The following KCNAB1 variants were observed in gnomAD, a reference collection of about 807,000 sequenced individuals.
KCNAB1 encodes the protein voltage-gated potassium channel subunit beta-1.
In KCNAB1, 35 loss-of-function variants were observed where a neutral mutation model predicts 64.6. That is an observed-to-expected ratio of 0.54 (90% confidence interval 0.41 to 0.72). The LOEUF is 0.72. Ranked by LOEUF, KCNAB1 falls within the 30% of genes least tolerant of loss-of-function variation. The pLI is 0.00. For missense variants in KCNAB1, 401 were observed against 512.9 expected, an observed-to-expected ratio of 0.78 and a Z score of 2.11; for synonymous variants, 177 against 183.8, an observed-to-expected ratio of 0.96 and a Z score of 0.30.
chr3:156,418,258 TATC>T (rs1715225615), intron 1 of KCNAB1, among the ~76,000 whole-genome samples: 1 of 152,226 alleles, frequency 6.6e-6, no homozygotes, highest in African/African-American at 2.4e-5. Context: ...AATAGAATAA[TATC>T]ATATAAAGTT....
intron 1 of KCNAB1, among the ~76,000 whole-genome samples, chr3:156,256,939 G>A (rs1718132897): frequency 6.6e-6 from 1 of 152,140 alleles, no homozygotes; most frequent in Admixed American, 6.5e-5. Context: ...TGGTGGCCCC[G>A]GCCACAGAGC....
rs144685207 is a variant in KCNAB1 at position 156,436,275 on chromosome 3, C to T, written c.319+14616C>T. ...TCCTTTTTATGGCTGCATAGTATTCCATGGTATATATATACCAGATTTTCT... is the reference window on the plus strand; with the variant it reads ...TCCTTTTTATGGCTGCATAGTATTCTATGGTATATATATACCAGATTTTCT... On this transcript the variant is annotated intron_variant, in intron 2 of 13. Transcript: ENST00000490337. Among the ~76,000 whole-genome samples, 748 of 152,272 alleles carry T rather than the reference C, an allele frequency of 4.9e-3. 6 individuals are homozygous for T. Among genetic ancestry groups the T allele is most frequent in the African/African-American group, 0.016 (682 of 41,550 alleles).
At chr3:156,304,749 G>A (rs563706298) in intron 1 of KCNAB1, among the ~76,000 whole-genome samples, 42 of 152,294 alleles carry the variant, frequency 2.8e-4, no homozygotes, top group African/African-American at 8.9e-4. Context: ...GCTAACGGAA[G>A]GTTCAGCAGC....
intron 1 of KCNAB1, among the ~76,000 whole-genome samples, chr3:156,147,876 G>A (rs1327651985): frequency 2.0e-5 from 3 of 151,600 alleles, no homozygotes; most frequent in Admixed American, 6.6e-5. Flanking sequence ...TCTCATTCCA[G>A]TGCTTTCTTC....
chr3:156,471,910 G>T (rs1713929779), intron 7 of KCNAB1, among the ~76,000 whole-genome samples: 1 of 152,198 alleles, frequency 6.6e-6, no homozygotes, highest in Admixed American at 6.5e-5. Flanking sequence ...GCACCATTTT[G>T]TCCTTGGACA....
chr3:156,138,478 G>T (rs1714503316), intron 1 of KCNAB1, among the ~76,000 whole-genome samples: 2 of 152,136 alleles, frequency 1.3e-5, no homozygotes. Context: ...GGATGTTCTT[G>T]GATGACTGCG....
chr3:156,210,435 T>C (rs1339836065), intron 1 of KCNAB1, among the ~76,000 whole-genome samples: 1 of 152,208 alleles, frequency 6.6e-6, no homozygotes, highest in Non-Finnish European at 1.5e-5. Flanking sequence ...CTGTTTATGC[T>C]TTCTGGAGGT....
intron 1 of KCNAB1, among the ~76,000 whole-genome samples, chr3:156,229,767 T>C (rs1414097135): frequency 6.6e-6 from 1 of 152,186 alleles, no homozygotes; most frequent in Non-Finnish European, 1.5e-5. Flanking sequence ...CCTTGCTTCC[T>C]CTCCAGTTGG....
At chr3:156,139,534 G>A (rs1714568200) in intron 1 of KCNAB1, among the ~76,000 whole-genome samples, 1 of 148,214 alleles carries the variant, frequency 6.7e-6, no homozygotes, top group South Asian at 2.1e-4. Context: ...GATGTCACTG[G>A]TGCAACTTTA....
At chr3:156,246,344 G>A (rs531240030) in intron 1 of KCNAB1, among the ~76,000 whole-genome samples, 7 of 152,272 alleles carry the variant, frequency 4.6e-5, no homozygotes, top group African/African-American at 7.2e-5. Flanking sequence ...GGTGGCTCAC[G>A]CCTGTAATCC....
chr3:156,165,168 CT>C (rs1711504980), intron 1 of KCNAB1, among the ~76,000 whole-genome samples: 1 of 144,730 alleles, frequency 6.9e-6, no homozygotes, highest in Admixed American at 7.1e-5. Context: ...GTCCCAGCTA[CT>C]TGGGAGGCTG....
chr3:156,308,540 A>G (rs1721669635), intron 1 of KCNAB1, among the ~76,000 whole-genome samples: 1 of 152,238 alleles, frequency 6.6e-6, no homozygotes, highest in African/African-American at 2.4e-5. Context: ...GAGAAGCTGT[A>G]GATAAGCCCA....
chr3:156,284,069 G>T (rs1455206411), intron 1 of KCNAB1, among the ~76,000 whole-genome samples: 1 of 152,146 alleles, frequency 6.6e-6, no homozygotes, highest in Non-Finnish European at 1.5e-5. Context: ...CAGTTTTTCT[G>T]TTCTGTTTTT....
rs956497892 is a variant in KCNAB1 at position 156,182,681 on chromosome 3, C to T, written c.275+61795C>T. ...CCCAAATGTCCCAACAAGGTATCTT[C>T]CTAAAGTAAGACAATTTTTTTTTTT... On this transcript the variant is annotated intron_variant, in intron 1 of 13. Coordinates refer to ENST00000490337, the MANE Select transcript of KCNAB1 (RefSeq NM_172160.3). 1.0e-4 allele frequency among the ~76,000 whole-genome samples: 15 copies of T among 147,284 alleles called. No homozygotes were observed. In the East Asian group the frequency reaches 2.4e-3, roughly 23 times the overall value.
chr3:156,362,061 G>A lies in KCNAB1; in HGVS notation c.276-59555G>A, dbSNP rs550374961. Among the ~76,000 whole-genome samples the A allele has an allele frequency of 3.9e-5, 6 of 152,272 alleles. No individual in the cohort carries two copies. The South Asian group carries it at 1.2e-3, about 32-fold the overall frequency. Reference sequence around the variant, plus strand: ...ATACAATTGTAAAAAAACTAGACAAGAATACTGTTCTCATAGAGCTTATAT... The same window carrying A: ...ATACAATTGTAAAAAAACTAGACAAAAATACTGTTCTCATAGAGCTTATAT... On this transcript the variant is annotated intron_variant, in intron 1 of 13. Transcript: ENST00000490337.
chr3:156,300,052 A>G (rs1007536485), intron 1 of KCNAB1, among the ~76,000 whole-genome samples: 1 of 152,190 alleles, frequency 6.6e-6, no homozygotes, highest in African/African-American at 2.4e-5. Context: ...CAAGAAACCA[A>G]GGGCACAGCA....
intron 1 of KCNAB1, among the ~76,000 whole-genome samples, chr3:156,421,154 A>T (rs1442516497): frequency 1.3e-5 from 2 of 152,204 alleles, no homozygotes; most frequent in Non-Finnish European, 2.9e-5. Flanking sequence ...GGCTCTACTT[A>T]CCGTGTGTCA....
intron 1 of KCNAB1, among the ~76,000 whole-genome samples, chr3:156,380,619 G>T (rs147581055): frequency 7.7e-4 from 118 of 152,270 alleles, no homozygotes; most frequent in African/African-American, 2.6e-3. Context: ...CATGTTTAGT[G>T]AAGCCATTAC....
chr3:156,280,699 G>A (rs1167103804), intron 1 of KCNAB1, among the ~76,000 whole-genome samples: 1 of 150,892 alleles, frequency 6.6e-6, no homozygotes, highest in Non-Finnish European at 1.5e-5. Context: ...TTGTAAGTTG[G>A]ATTCCTAGGT....
Sources: gnomAD v4.1 joint callset for allele counts (sites outside exome capture counted in the v4.1 genomes callset) on GRCh38, gnomAD v4.1.1 for gene constraint, MANE v1.5 for transcripts, NCBI Gene and HGNC (gene_info 2026-07-23, HGNC 2026-07-21) for gene names.